SEC22B: variants seen among roughly 807,000 people sequenced by gnomAD.
The protein encoded by SEC22B is vesicle-trafficking protein SEC22b.
SEC22B carries 10 observed loss-of-function variants against 31.4 expected under a neutral mutation model. That is an observed-to-expected ratio of 0.32 (90% CI 0.20 to 0.54). The LOEUF is 0.54. SEC22B is among the 20% of genes least tolerant of loss of function. SEC22B has a pLI of 0.94. For synonymous variants in SEC22B, 60 were observed against 95.9 expected, an observed-to-expected ratio of 0.63 and a Z score of 2.19; for missense variants, 130 against 263.4, an observed-to-expected ratio of 0.49 and a Z score of 3.50.
chr1:120,176,222 T>C (rs1468229105), intron 1 of SEC22B, 85 bp downstream of exon 1: 11 of 1,344,802 alleles, frequency 8.2e-6, no homozygotes, highest in Admixed American at 2.0e-5. Flanking sequence ...CACAAAGGTC[T>C]CCCGGTCCTA....
intron 2 of SEC22B, among the ~76,000 whole-genome samples, 164 bp downstream of exon 2, chr1:120,168,676 C>A (rs1338645406): frequency 6.7e-6 from 1 of 149,820 alleles, no homozygotes. Flanking sequence ...GCTGAAAAAA[C>A]CAACAAGATG....
intron 3 of SEC22B, among the ~76,000 whole-genome samples, chr1:120,161,690 C>T (rs1374984158): frequency 6.6e-6 from 1 of 151,894 alleles, no homozygotes; most frequent in Non-Finnish European, 1.5e-5. Context: ...TAGAGCGAGA[C>T]TCTGTCTCTA....
At chr1:120,166,366 A>C (rs1185332189) in intron 2 of SEC22B, among the ~76,000 whole-genome samples, 3 of 147,826 alleles carry the variant, frequency 2.0e-5, no homozygotes, top group Non-Finnish European at 3.0e-5. Context: ...AATGTCCATC[A>C]AGAGAATAAT....
intron 2 of SEC22B, among the ~76,000 whole-genome samples, chr1:120,164,675 A>C (rs1322210039): frequency 6.6e-6 from 1 of 152,220 alleles, no homozygotes; most frequent in Non-Finnish European, 1.5e-5. Context: ...CACCACTAAC[A>C]TGTACCTAGG....
chr1:120,169,222 C>G (rs1398615897), intron 1 of SEC22B, among the ~76,000 whole-genome samples: 1 of 152,190 alleles, frequency 6.6e-6, no homozygotes, highest in East Asian at 1.9e-4. Context: ...GTGTTCTTTC[C>G]ACTATTAGGA....
rs1441651914 is a variant in SEC22B at position 120,155,103 on chromosome 1, C to G, written c.*1935G>C. The G allele has an allele frequency of 6.6e-6, 1 of 151,874 alleles. No individual in the cohort carries two copies. The highest frequency in any genetic ancestry group is 2.4e-5 in the African/African-American group (1 of 41,390). The allele number at this position is 151,874 out of a possible 1,614,324, so 9.4% of individuals were successfully genotyped here. ...CTTCTCCCTTTGTTGACAATTACCCCACCCCTTATTTCTTAATTAGCCCAA... is the reference window on the plus strand; with the variant it reads ...CTTCTCCCTTTGTTGACAATTACCCGACCCCTTATTTCTTAATTAGCCCAA... On this transcript the variant is annotated 3_prime_UTR_variant, in exon 5 of 5. Coordinates refer to ENST00000578049, the MANE Select transcript of SEC22B (RefSeq NM_004892.6).
intron 2 of SEC22B, among the ~76,000 whole-genome samples, chr1:120,168,414 C>A (rs1657845885): frequency 6.6e-6 from 1 of 152,028 alleles, no homozygotes; most frequent in African/African-American, 2.4e-5. Flanking sequence ...AGACAAGATG[C>A]TAAGTAATAC....
intron 1 of SEC22B, among the ~76,000 whole-genome samples, chr1:120,175,980 G>A (rs1415740106): frequency 2.6e-5 from 4 of 152,146 alleles, no homozygotes; most frequent in Admixed American, 2.6e-4. Flanking sequence ...AGTCCTATTA[G>A]CAGCAGAAAA....
chr1:120,168,762 A>T (rs1189985634), intron 2 of SEC22B, 78 bp downstream of exon 2: 6 of 480,408 alleles, frequency 1.2e-5, no homozygotes, highest in Non-Finnish European at 1.9e-5. Flanking sequence ...TTACTTTTTA[A>T]AAATTATTAT....
chr1:120,166,420 C>CACACATAT (rs1235018275), intron 2 of SEC22B, among the ~76,000 whole-genome samples: 1 of 149,674 alleles, frequency 6.7e-6, no homozygotes, highest in African/African-American at 2.5e-5. Flanking sequence ...CACACACACA[C>CACACATAT]ACACACACAC....
chr1:120,154,335 G>A lies in SEC22B; in HGVS notation c.*2703C>T, dbSNP rs371728580. The A allele has an allele frequency of 0.011, 1,652 of 150,512 alleles. 26 individuals are homozygous for A. The highest frequency in any genetic ancestry group is 0.039 in the African/African-American group (1,592 of 41,088). The allele number at this position is 150,512 out of a possible 1,614,324, so 9.3% of individuals were successfully genotyped here. On this transcript the variant is annotated 3_prime_UTR_variant, in exon 5 of 5. Coordinates refer to ENST00000578049, the MANE Select transcript of SEC22B (RefSeq NM_004892.6). ...TGACTTAACTCTCTCATGCCTCAAA[G>A]CAGAATCCTTTGTAAGGTTTATTTA... is the stretch of plus-strand genomic sequence containing the variant.
chr1:120,162,007 G>C (rs1382250282), intron 3 of SEC22B, among the ~76,000 whole-genome samples: 1 of 140,538 alleles, frequency 7.1e-6, no homozygotes, highest in Non-Finnish European at 1.5e-5. Context: ...CAGACAGTGA[G>C]TGATGTCCGG....
chr1:120,166,670 T>C (rs1259091420), intron 2 of SEC22B, among the ~76,000 whole-genome samples: 1 of 149,124 alleles, frequency 6.7e-6, no homozygotes, highest in Non-Finnish European at 1.5e-5. Context: ...AGAGGCAAGT[T>C]AATGGATAAA....
chr1:120,152,832 C>A lies in SEC22B; in HGVS notation c.*4206G>T, dbSNP rs1227476080. On this transcript the variant is annotated 3_prime_UTR_variant, in exon 5 of 5. Transcript: ENST00000578049. ...TTATTTAGGAGTAGTGAAAAGTACT[C>A]TTAAATAATAATTTGGTATCTAGCA... The A allele has an allele frequency of 2.1e-5, 3 of 140,616 alleles. No homozygotes were observed. Among genetic ancestry groups the A allele is most frequent in the South Asian group, 2.2e-4 (1 of 4,508 alleles). The allele number at this position is 140,616 out of a possible 1,614,324, so 8.7% of individuals were successfully genotyped here.
At position 120,153,385 on chromosome 1, in the gene SEC22B, G is replaced by A. The variant is rs587690149; in HGVS notation, c.*3653C>T. On this transcript the variant is annotated 3_prime_UTR_variant, in exon 5 of 5. Transcript: ENST00000578049. ...TTGTCATGAAAGCTACCAATAAGGT[G>A]GAAATTTAAAATATGAGATATTTTA... The A allele has an allele frequency of 3.3e-5, 5 of 151,534 alleles. No homozygotes were observed. In the East Asian group the frequency reaches 7.8e-4, roughly 24 times the overall value. The allele number at this position is 151,534 out of a possible 1,614,324, so 9.4% of individuals were successfully genotyped here. A position where few individuals can be genotyped will look rare whatever the true frequency, so the allele number is the denominator to read the frequency against.
At chr1:120,159,742 T>G (rs1657683816) in intron 4 of SEC22B, among the ~76,000 whole-genome samples, 1 of 151,778 alleles carries the variant, frequency 6.6e-6, no homozygotes, top group Non-Finnish European at 1.5e-5. Flanking sequence ...CTTATGGAGG[T>G]CTTACAGAAC....
Position 120,176,289 on chromosome 1 carries a change from C to A in SEC22B, c.75+18G>T. ...CTGACAGAGACTTGGGGTCGCGGGT[C>A]GTGAGTAAGCAGCTCACCTGTTCGT... On this transcript the variant is annotated intron_variant, in intron 1 of 4. Coordinates refer to ENST00000578049, the MANE Select transcript of SEC22B (RefSeq NM_004892.6). The A allele has an allele frequency of 6.2e-7, 1 of 1,605,860 alleles. No individual in the cohort carries two copies. The highest frequency in any genetic ancestry group is 1.1e-5 in the South Asian group (1 of 90,522).
chr1:120,157,253 T>C (rs1160814950), intron 4 of SEC22B, 61 bp from the exon 5 acceptor site: 24 of 1,267,670 alleles, frequency 1.9e-5, no homozygotes, highest in Non-Finnish European at 2.5e-5. Context: ...ACCGAAAGTA[T>C]TAAGGCAAAC....
At chr1:120,164,063 G>T (rs1455382526) in intron 2 of SEC22B, among the ~76,000 whole-genome samples, 1 of 142,748 alleles carries the variant, frequency 7.0e-6, no homozygotes, top group African/African-American at 2.7e-5. Context: ...AGGTTCAGGT[G>T]ATTCTCACAC....
Sources: allele counts gnomAD v4.1 joint callset (sites outside exome capture counted in the v4.1 genomes callset), GRCh38; gene constraint gnomAD v4.1.1; transcripts MANE v1.5; gene names NCBI Gene and HGNC (gene_info 2026-07-23, HGNC 2026-07-21).